The following IL1RAPL1 variants were observed in gnomAD, a reference collection of about 807,000 sequenced individuals.
IL1RAPL1 encodes interleukin 1 receptor accessory protein like 1.
A neutral mutation model predicts 48.4 loss-of-function variants in IL1RAPL1; 3 were observed. That is an observed-to-expected ratio of 0.06 (90% CI 0.03 to 0.16). The LOEUF (loss-of-function observed/expected upper bound fraction) is 0.16. Ranked by LOEUF, IL1RAPL1 falls within the 10% of genes least tolerant of loss-of-function variation. The pLI, the probability that IL1RAPL1 is intolerant of heterozygous loss-of-function variation, is 1.00. For missense variants in IL1RAPL1, 349 were observed against 530.6 expected, an observed-to-expected ratio of 0.66 and a Z score of 3.36; for synonymous variants, 185 against 187.7, an observed-to-expected ratio of 0.99 and a Z score of 0.12.
chrX:29,592,317 A>G (rs1923402990), intron 5 of IL1RAPL1, among the ~76,000 whole-genome samples: 1 of 111,640 alleles, frequency 9.0e-6, no homozygotes, highest in Admixed American at 9.5e-5. Context: ...ATATTCATAA[A>G]TTCCATTCAT....
At chrX:29,576,223 G>A (rs1922769512) in intron 5 of IL1RAPL1, among the ~76,000 whole-genome samples, 2 of 111,648 alleles carry the variant, frequency 1.8e-5, no homozygotes, top group African/African-American at 6.5e-5. Flanking sequence ...TGAGGTTAGG[G>A]TCCTGTAATC....
At chrX:29,472,040 T>C (rs948317981) in intron 5 of IL1RAPL1, among the ~76,000 whole-genome samples, 12 of 111,689 alleles carry the variant, frequency 1.1e-4, no homozygotes, top group Admixed American at 1.9e-4. Flanking sequence ...CACTTTCTTT[T>C]TCTCCTCATT....
At chrX:29,865,717 A>G (rs1238441848) in intron 6 of IL1RAPL1, among the ~76,000 whole-genome samples, 1 of 101,757 alleles carries the variant, frequency 9.8e-6, no homozygotes, top group Non-Finnish European at 2.0e-5. Flanking sequence ...ACTCACTGCA[A>G]CCTGCACCTC....
intron 2 of IL1RAPL1, among the ~76,000 whole-genome samples, chrX:28,953,701 T>C (rs998666489): frequency 9.0e-5 from 10 of 111,225 alleles, no homozygotes; most frequent in African/African-American, 3.3e-4. Context: ...GATATCAACA[T>C]AATTCCACCT....
At chrX:29,218,350 A>C (rs2147547725) in intron 2 of IL1RAPL1, among the ~76,000 whole-genome samples, 1 of 111,935 alleles carries the variant, frequency 8.9e-6, no homozygotes, top group Non-Finnish European at 1.9e-5. Flanking sequence ...GAAGCCTAAA[A>C]TATTTTTTTA....
At chrX:29,606,290 A>T (rs1443693198) in intron 5 of IL1RAPL1, among the ~76,000 whole-genome samples, 2 of 111,822 alleles carry the variant, frequency 1.8e-5, no homozygotes, top group Non-Finnish European at 3.8e-5. Flanking sequence ...ATGAAAAAAA[A>T]TGTTAAATAT....
At chrX:29,180,220 A>T (rs1052228243) in intron 2 of IL1RAPL1, among the ~76,000 whole-genome samples, 10 of 110,375 alleles carry the variant, frequency 9.1e-5, no homozygotes, top group Non-Finnish European at 1.9e-4. Flanking sequence ...CTACTGTCAA[A>T]AAAAAAAATT....
chrX:29,955,403 A>G lies in IL1RAPL1; in HGVS notation c.1674A>G (p.Glu558=). ...NSKFWKRLQY[E]MPFKRIEPIT... is the part of the protein sequence containing the mutation. ...AGTTCTGGAAACGTTTACAGTATGA[A>G]ATGCCTTTTAAGAGGATAGAACCCA... is the stretch of plus-strand genomic sequence containing the variant. Residue 558 remains glutamate, a synonymous_variant, in exon 11 of 11, where the codon GAA becomes GAG. Transcript: ENST00000378993. 8.3e-7 allele frequency: 1 copy of G among 1,211,178 alleles called. No individual in the cohort carries two copies. Among genetic ancestry groups the G allele is most frequent in the Middle Eastern group, 2.3e-4 (1 of 4,355 alleles).
At chrX:28,737,226 TC>T in intron 1 of IL1RAPL1, among the ~76,000 whole-genome samples, 1 of 87,402 alleles carries the variant, frequency 1.1e-5, no homozygotes, top group Non-Finnish European at 2.2e-5. Context: ...TTTCTTTCTT[TC>T]TTTCTTTCTT....
chrX:28,797,355 G>T (rs1426547574), intron 2 of IL1RAPL1, among the ~76,000 whole-genome samples: 3 of 111,682 alleles, frequency 2.7e-5, no homozygotes. Context: ...CTATCACATT[G>T]TCAGGCTGCA....
chrX:29,908,519 C>T (rs1932692202), intron 6 of IL1RAPL1, among the ~76,000 whole-genome samples: 2 of 109,958 alleles, frequency 1.8e-5, no homozygotes, highest in South Asian at 3.9e-4. Flanking sequence ...AAAGTTCTAT[C>T]CAAATATATT....
intron 2 of IL1RAPL1, among the ~76,000 whole-genome samples, chrX:28,866,374 G>GAGGA (rs1455489505): frequency 9.0e-6 from 1 of 111,326 alleles, no homozygotes; most frequent in African/African-American, 3.3e-5. Context: ...GGGGACTCTG[G>GAGGA]AGGAAATGGT....
chrX:29,270,188 A>G (rs1932018780), intron 2 of IL1RAPL1, among the ~76,000 whole-genome samples: 1 of 111,337 alleles, frequency 9.0e-6, no homozygotes. Context: ...ATTTGGAGCT[A>G]CTCTGAATAA....
At chrX:29,184,437 C>T (rs761422476) in intron 2 of IL1RAPL1, among the ~76,000 whole-genome samples, 9 of 112,045 alleles carry the variant, frequency 8.0e-5, no homozygotes, top group Admixed American at 2.8e-4. Flanking sequence ...TTTTCTTCAA[C>T]GCATCACTTA....
At chrX:29,212,278 G>A (rs1446122162) in intron 2 of IL1RAPL1, among the ~76,000 whole-genome samples, 1 of 110,839 alleles carries the variant, frequency 9.0e-6, no homozygotes, top group African/African-American at 3.3e-5. Flanking sequence ...CCACGACCAT[G>A]CAGTTGAAAA....
At chrX:29,908,401 A>C (rs1433118225) in intron 6 of IL1RAPL1, among the ~76,000 whole-genome samples, 3 of 107,906 alleles carry the variant, frequency 2.8e-5, no homozygotes, top group Non-Finnish European at 5.7e-5. Context: ...TATATAAGCA[A>C]ACTTTTTTAA....
intron 2 of IL1RAPL1, among the ~76,000 whole-genome samples, chrX:29,269,138 TATTTA>T (rs1376546994): frequency 3.6e-5 from 4 of 112,338 alleles, no homozygotes; most frequent in Non-Finnish European, 7.5e-5. Context: ...TTTAAACTTT[TATTTA>T]AATATTAGTG....
rs188000212 is a variant in IL1RAPL1, at chrX:28,761,068, C to T, written c.-24-28252C>T. Among the ~76,000 whole-genome samples the T allele has an allele frequency of 4.3e-3, 411 of 94,888 alleles. 8 individuals are homozygous for T. The highest frequency in any genetic ancestry group is 0.016 in the African/African-American group (391 of 24,972). The allele number at this position is 94,888 out of a possible 115,157, so 82.4% of individuals were successfully genotyped here. ...CACCACTGCACTCCAGCCTGGGCAACAGAGCGAGACTCCTTCTCAAAAAAA... is the reference window on the plus strand; with the variant it reads ...CACCACTGCACTCCAGCCTGGGCAATAGAGCGAGACTCCTTCTCAAAAAAA... On this transcript the variant is annotated intron_variant, in intron 1 of 10. Transcript: ENST00000378993.
chrX:28,917,104 C>T (rs1473632124), intron 2 of IL1RAPL1, among the ~76,000 whole-genome samples: 1 of 111,657 alleles, frequency 9.0e-6, no homozygotes, highest in Non-Finnish European at 1.9e-5. Context: ...AATTCTACTT[C>T]ACTTTTGAAA....
Sources: allele counts gnomAD v4.1 joint callset (sites outside exome capture counted in the v4.1 genomes callset), GRCh38; gene constraint gnomAD v4.1.1; transcripts MANE v1.5; gene names NCBI Gene and HGNC (gene_info 2026-07-23, HGNC 2026-07-21).